Variants in NGEF observed in about 807,000 individuals in gnomAD.
The protein encoded by NGEF is ephexin-1.
Under a neutral mutation model 80.9 loss-of-function variants are expected in NGEF, and 31 were observed. The ratio of observed to expected loss-of-function variants is 0.38; its 90% CI spans 0.29 to 0.52. NGEF has a LOEUF of 0.52. NGEF is among the 20% of genes least tolerant of loss of function. The pLI is 0.84. For missense variants in NGEF, 709 were observed against 926.2 expected, an observed-to-expected ratio of 0.77 and a Z score of 3.04; for synonymous variants, 371 against 370.2, an observed-to-expected ratio of 1.00 and a Z score of -0.03.
chr2:232,972,801 G>T (rs1468546734), intron 2 of NGEF, among the ~76,000 whole-genome samples: 1 of 136,600 alleles, frequency 7.3e-6, no homozygotes, highest in Non-Finnish European at 1.5e-5. Context: ...CTTTTGCCCA[G>T]GCTGGAGTGC....
At chr2:232,899,122 T>G (rs544222286) in intron 5 of NGEF, among the ~76,000 whole-genome samples, 6 of 151,762 alleles carry the variant, frequency 4.0e-5, no homozygotes, top group African/African-American at 1.5e-4. Flanking sequence ...TGTGAATGTG[T>G]GCATGTGTGT....
At chr2:232,907,837 G>C (rs144162870) in intron 5 of NGEF, among the ~76,000 whole-genome samples, 7 of 152,156 alleles carry the variant, frequency 4.6e-5, no homozygotes, top group African/African-American at 1.4e-4. Context: ...GGCCGGGCAC[G>C]GTGGCTCACA....
chr2:232,888,588 TAC>T (rs745895373), intron 8 of NGEF, among the ~76,000 whole-genome samples: 9 of 151,706 alleles, frequency 5.9e-5, no homozygotes, highest in South Asian at 2.1e-4. Flanking sequence ...CGCACACACA[TAC>T]ACACAGCCTC....
intron 1 of NGEF, among the ~76,000 whole-genome samples, chr2:232,988,181 C>G (rs373133049): frequency 2.0e-5 from 3 of 152,040 alleles, no homozygotes; most frequent in East Asian, 1.9e-4. Context: ...CTCCCTCCCC[C>G]ACCACTGGGG....
chr2:232,905,008 T>C (rs151237704), intron 5 of NGEF, among the ~76,000 whole-genome samples: 1 of 152,294 alleles, frequency 6.6e-6, no homozygotes, highest in East Asian at 1.9e-4. Context: ...GCAGGAACTC[T>C]TTCCCATTTC....
intron 4 of NGEF, among the ~76,000 whole-genome samples, chr2:232,923,474 G>T (rs893787974): frequency 6.6e-6 from 1 of 152,110 alleles, no homozygotes; most frequent in African/African-American, 2.4e-5. Flanking sequence ...AGTGGCTCAC[G>T]CCTGTAATCC....
intron 3 of NGEF, among the ~76,000 whole-genome samples, chr2:232,958,123 G>C (rs559075864): frequency 4.6e-5 from 7 of 152,272 alleles, no homozygotes; most frequent in Admixed American, 1.3e-4. Context: ...TGGGACCTCA[G>C]CTAGCACCCA....
At chr2:232,950,335 T>C (rs1693652045) in intron 3 of NGEF, among the ~76,000 whole-genome samples, 2 of 152,228 alleles carry the variant, frequency 1.3e-5, no homozygotes, top group East Asian at 3.8e-4. Flanking sequence ...TATGAGGATA[T>C]GTATATGTTT....
intron 1 of NGEF, among the ~76,000 whole-genome samples, chr2:232,995,683 ATATTATAGTGTATG>A (rs1694825060): frequency 7.4e-6 from 1 of 136,006 alleles, no homozygotes; most frequent in Non-Finnish European, 1.6e-5. Flanking sequence ...TGTATTATAT[ATATTATAGTGTATG>A]TATTATATGT....
At chr2:232,898,026 C>T (rs938810899) in intron 5 of NGEF, among the ~76,000 whole-genome samples, 1 of 151,908 alleles carries the variant, frequency 6.6e-6, no homozygotes, top group Non-Finnish European at 1.5e-5. Context: ...CCGAGTCGGC[C>T]AGTGTCCACC....
At chr2:232,941,115 C>T (rs996796525) in intron 3 of NGEF, among the ~76,000 whole-genome samples, 9 of 151,914 alleles carry the variant, frequency 5.9e-5, no homozygotes, top group African/African-American at 1.5e-4. Context: ...GCTGATTGGT[C>T]GGAGATGAAA....
intron 8 of NGEF, 114 bp downstream of exon 8, chr2:232,891,244 A>G: frequency 7.3e-7 from 1 of 1,361,034 alleles, no homozygotes. Context: ...CACACATGGG[A>G]GGAGCTTAGT....
In NGEF at chr2:232,999,708, G is replaced by A. The variant is rs190785433; in HGVS notation, c.-75+13360C>T. On this transcript the variant is annotated intron_variant, in intron 1 of 14. Coordinates refer to ENST00000264051, the MANE Select transcript of NGEF (RefSeq NM_019850.3). ...TGCCACCCCAGCCAGAGGGAGGAGGGCCAGGGCTGCTGAGCTCCCAGGCCC... is the reference window on the plus strand; with the variant it reads ...TGCCACCCCAGCCAGAGGGAGGAGGACCAGGGCTGCTGAGCTCCCAGGCCC... Among the ~76,000 whole-genome samples, 146 of 152,330 alleles carry A rather than the reference G, an allele frequency of 9.6e-4. 2 individuals are homozygous for A. Among genetic ancestry groups the A allele is most frequent in the Non-Finnish European group, 1.4e-3 (96 of 68,006 alleles).
chr2:232,898,705 C>G, intron 5 of NGEF, among the ~76,000 whole-genome samples: 1 of 152,256 alleles, frequency 6.6e-6, no homozygotes, highest in Non-Finnish European at 1.5e-5. Flanking sequence ...GCTCACTGAG[C>G]ATCTGCTGAG....
At chr2:233,001,006 T>G (rs1694965877) in intron 1 of NGEF, among the ~76,000 whole-genome samples, 1 of 152,186 alleles carries the variant, frequency 6.6e-6, no homozygotes. Context: ...CTCACCTTCC[T>G]GTTCCCGAGC....
intron 5 of NGEF, among the ~76,000 whole-genome samples, chr2:232,900,497 T>C (rs1197493704): frequency 1.9e-5 from 2 of 106,968 alleles, no homozygotes; most frequent in African/African-American, 7.7e-5. Flanking sequence ...GTCACTCATA[T>C]ACACGTTCAC....
In NGEF at chr2:232,974,789, T is replaced by C; in HGVS notation, c.102A>G (p.Leu34=). Residue 34 remains leucine (L), a synonymous_variant, in exon 2 of 15, where the codon TTA becomes TTG. Transcript: ENST00000264051. ...DNEPAKVKPE[L]LPEKEETSQA... The stretch of plus-strand genomic sequence containing the variant: ...GAGAAGTCTCCTCTTTTTCTGGGAG[T>C]AACTCAGGTTTCACCTTGGCTGGTT... The C allele has an allele frequency of 6.2e-7, 1 of 1,614,214 alleles. No individual in the cohort carries two copies. Among genetic ancestry groups the C allele is most frequent in the African/African-American group, 1.3e-5 (1 of 75,042 alleles).
chr2:232,905,074 C>CCCTCTCCCATCTCCCCTCTCTCT (rs1692461544), intron 5 of NGEF, among the ~76,000 whole-genome samples: 1 of 151,404 alleles, frequency 6.6e-6, no homozygotes, highest in Non-Finnish European at 1.5e-5. Context: ...CTCTCCTCTC[C>CCCTCTCCCATCTCCCCTCTCTCT]CCTCTCCCCT....
At chr2:232,915,918 C>T (rs575127039) in intron 5 of NGEF, among the ~76,000 whole-genome samples, 8 of 152,104 alleles carry the variant, frequency 5.3e-5, no homozygotes, top group Admixed American at 2.6e-4. Context: ...CTCGAACTCC[C>T]GACCTCAGGT....
Sources: gnomAD v4.1 joint callset for allele counts (sites outside exome capture counted in the v4.1 genomes callset) on GRCh38, gnomAD v4.1.1 for gene constraint, MANE v1.5 for transcripts, NCBI Gene and HGNC (gene_info 2026-07-23, HGNC 2026-07-21) for gene names.